NCBP2L: variants seen among roughly 807,000 people sequenced by gnomAD.
NCBP2L encodes nuclear cap-binding protein subunit 2-like.
For synonymous variants in NCBP2L, 39 were observed against 19.2 expected, an observed-to-expected ratio of 2.04 and a Z score of -2.70; for missense variants, 95 against 53.1, an observed-to-expected ratio of 1.79 and a Z score of -2.45.
chrX:107,781,677 T>TCTATCTAC (rs1491524753), intron 1 of NCBP2L, among the ~76,000 whole-genome samples: 1 of 54,066 alleles, frequency 1.8e-5, no homozygotes, highest in Non-Finnish European at 2.9e-5. Context: ...TATCTATCTA[T>TCTATCTAC]CTCTCTCTCT....
chrX:107,782,340 T>TATATATATATAAATATATATATAA (rs1930331618), intron 1 of NCBP2L, among the ~76,000 whole-genome samples: 1 of 38,058 alleles, frequency 2.6e-5, no homozygotes, highest in Non-Finnish European at 3.6e-5. Flanking sequence ...TATATATAAA[T>TATATATATATAAATATATATATAA]ATATATATAT....
At chrX:107,781,391 C>T (rs1375228941) in intron 1 of NCBP2L, among the ~76,000 whole-genome samples, 1 of 107,604 alleles carries the variant, frequency 9.3e-6, no homozygotes, top group East Asian at 2.9e-4. Flanking sequence ...CTGCTACCTC[C>T]GCCTCCCGGG....
chrX:107,782,280 TATATAAATATATATATATAA>T (rs1930321280), intron 1 of NCBP2L, among the ~76,000 whole-genome samples: 11 of 32,780 alleles, frequency 3.4e-4, no homozygotes, highest in African/African-American at 1.5e-3. Flanking sequence ...TATATAAATA[TATATAAATATATATATATAA>T]ATATATATAT....
chrX:107,784,180 T>C (rs1161499288), intron 1 of NCBP2L, among the ~76,000 whole-genome samples: 1 of 111,881 alleles, frequency 8.9e-6, no homozygotes, highest in East Asian at 2.8e-4. Context: ...CAATATGTGG[T>C]AGATGTCATT....
At position 107,782,278 on chromosome X, in the gene NCBP2L, TATATATAAATATATATATATAA is replaced by T. The variant is rs1569457286; in HGVS notation, c.-73+4428_-73+4449del. ...ATATATATAAATATATATATATAAATATATATAAATATATATATATAAATATATATATAAATATATATATATA... is the reference window on the plus strand; with the variant it reads ...ATATATATAAATATATATATATAAATATATATATATAAATATATATATATA... On this transcript the variant is annotated intron_variant, in intron 1 of 1. Coordinates refer to ENST00000509000, the MANE Select transcript of NCBP2L (RefSeq NM_001348372.2). Among the ~76,000 whole-genome samples the T allele has an allele frequency of 1.6e-3, 52 of 31,881 alleles. 3 individuals carry two copies. The highest frequency in any genetic ancestry group is 7.9e-3 in the African/African-American group (27 of 3,416). 27.7% of individuals were successfully genotyped at this position (31,881 alleles called of 115,157 possible). A position where few individuals can be genotyped will look rare whatever the true frequency, so the allele number is the denominator to read the frequency against.
intron 1 of NCBP2L, among the ~76,000 whole-genome samples, chrX:107,793,196 A>G (rs1347112418): frequency 2.7e-5 from 3 of 112,166 alleles, no homozygotes; most frequent in African/African-American, 9.7e-5. Flanking sequence ...TAATCTTTGG[A>G]CCATTTGCAT....
rs143593922 is a variant in NCBP2L, at chrX:107,794,191, C to T, written c.-30C>T. On this transcript the variant is annotated 5_prime_UTR_variant, in exon 2 of 2. It adds an upstream start codon to the 5' untranslated region. Transcript: ENST00000509000. ...CACTGCTGCCAAGCTGGACCGAAAA[C>T]GGCCATCGGCATGCTGCCCAACCAG... 967 of 497,345 alleles carry T rather than the reference C, an allele frequency of 1.9e-3. 7 individuals carry two copies. In the African/African-American group the frequency reaches 0.02, roughly 10 times the overall value. The allele number at this position is 497,345 out of a possible 1,213,427, so 41.0% of individuals were successfully genotyped here.
At chrX:107,782,216 TATATAA>T (rs1351558465) in intron 1 of NCBP2L, among the ~76,000 whole-genome samples, 2 of 23,659 alleles carry the variant, frequency 8.5e-5, no homozygotes, top group African/African-American at 4.2e-4. Flanking sequence ...TATAAATATA[TATATAA>T]ATATATATAT....
chrX:107,787,565 C>T (rs1379116888), intron 1 of NCBP2L, among the ~76,000 whole-genome samples: 2 of 111,902 alleles, frequency 1.8e-5, no homozygotes, highest in Non-Finnish European at 3.8e-5. Context: ...TGTTTAACTA[C>T]TCATTTAAAT....
chrX:107,793,444 A>G (rs1168981889), intron 1 of NCBP2L, among the ~76,000 whole-genome samples: 1 of 111,918 alleles, frequency 8.9e-6, no homozygotes, highest in Non-Finnish European at 1.9e-5. Flanking sequence ...AAAACCGACT[A>G]AATCGTGTTT....
In NCBP2L at chrX:107,794,556, T is replaced by C. The variant is rs748597058; in HGVS notation, c.336T>C (p.Asp112=). 1.8e-6 allele frequency: 1 copy of C among 569,814 alleles called. No homozygotes were observed. The highest frequency in any genetic ancestry group is 2.2e-5 in the South Asian group (1 of 44,977). The allele number at this position is 569,814 out of a possible 1,213,427, so 47.0% of individuals were successfully genotyped here. ...TAGATGAATGGATTATCTGCACTGA[T>C]TGGGATGTCGGTTTTAGAGAGGGTC... ...TCLDEWIICT[D]WDVGFREGQQ... The change falls in exon 2 of 2, where the codon GAT becomes GAC. Residue 112 remains aspartate (D), a synonymous_variant. Transcript: ENST00000509000.
Position 107,794,565 on chromosome X carries a change from C to A in NCBP2L, c.345C>A (p.Val115=), listed in dbSNP as rs5962885. ...DEWIICTDWD[V]GFREGQQYGR... ...GGATTATCTGCACTGATTGGGATGTCGGTTTTAGAGAGGGTCAACAGTATG... is the reference window on the plus strand; with the variant it reads ...GGATTATCTGCACTGATTGGGATGTAGGTTTTAGAGAGGGTCAACAGTATG... The change falls in exon 2 of 2, where the codon GTC becomes GTA. Residue 115 remains valine (V), a synonymous_variant. Transcript: ENST00000509000. 97,096 of 566,772 alleles carry A rather than the reference C, an allele frequency of 0.17. 11,305 individuals carry two copies. Among genetic ancestry groups the A allele is most frequent in the African/African-American group, 0.71 (31,328 of 44,146 alleles). The allele number at this position is 566,772 out of a possible 1,213,427, so 46.7% of individuals were successfully genotyped here.
intron 1 of NCBP2L, among the ~76,000 whole-genome samples, chrX:107,781,829 G>T (rs756453317): frequency 5.0e-4 from 17 of 34,261 alleles, no homozygotes; most frequent in African/African-American, 6.8e-4. Context: ...TCTATATATA[G>T]AGAGATATAT....
chrX:107,783,289 C>T (rs1044276359), intron 1 of NCBP2L, among the ~76,000 whole-genome samples: 7 of 107,229 alleles, frequency 6.5e-5, no homozygotes, highest in African/African-American at 2.1e-4. Flanking sequence ...TTGAGACAAG[C>T]CTGGCCAACA....
intron 1 of NCBP2L, among the ~76,000 whole-genome samples, chrX:107,778,141 T>G (rs1381951932): frequency 8.9e-6 from 1 of 111,830 alleles, no homozygotes; most frequent in Non-Finnish European, 1.9e-5. Context: ...TTTTTTCCTC[T>G]TGTTTATAAT....
At position 107,789,174 on chromosome X, in the gene NCBP2L, C is replaced by CTTTT. The variant is rs760912732; in HGVS notation, c.-72-4955_-72-4952dup. Among the ~76,000 whole-genome samples, 20 of 67,016 alleles carry CTTTT rather than the reference C, an allele frequency of 3.0e-4. 1 individual carries two copies. The highest frequency in any genetic ancestry group is 1.1e-3 in the African/African-American group (17 of 15,931). 58.2% of individuals were successfully genotyped at this position (67,016 alleles called of 115,157 possible). On this transcript the variant is annotated intron_variant, in intron 1 of 1. Coordinates refer to ENST00000509000, the MANE Select transcript of NCBP2L (RefSeq NM_001348372.2). Reference sequence around the variant, plus strand: ...GTTGTGTCCCTACATGTCCTAACCTCTTTTTTTTTTTTTTTTTTTTTTTGG... The same window carrying CTTTT: ...GTTGTGTCCCTACATGTCCTAACCTCTTTTTTTTTTTTTTTTTTTTTTTTTTTGG...
At chrX:107,781,676 A>ATCTATCTATCTCTCTCTCTCTCTCTC (rs1380779020) in intron 1 of NCBP2L, among the ~76,000 whole-genome samples, 1 of 55,919 alleles carries the variant, frequency 1.8e-5, no homozygotes, top group African/African-American at 1.1e-4. Flanking sequence ...CTATCTATCT[A>ATCTATCTATCTCTCTCTCTCTCTCTC]TCTCTCTCTC....
intron 1 of NCBP2L, among the ~76,000 whole-genome samples, 167 bp downstream of exon 1, chrX:107,778,025 T>A (rs779170987): frequency 1.9e-4 from 21 of 110,370 alleles, no homozygotes; most frequent in Middle Eastern, 4.7e-3. Context: ...TTTTTTTTTT[T>A]AAATGTTCTT....
intron 1 of NCBP2L, among the ~76,000 whole-genome samples, chrX:107,786,144 C>A (rs777824469): frequency 9.0e-6 from 1 of 110,890 alleles, no homozygotes; most frequent in Admixed American, 9.7e-5. Context: ...TTTCAGCCAC[C>A]TCTGGAATTC....
Sources: allele counts gnomAD v4.1 joint callset (sites outside exome capture counted in the v4.1 genomes callset), GRCh38; gene constraint gnomAD v4.1.1; transcripts MANE v1.5; gene names NCBI Gene and HGNC (gene_info 2026-07-23, HGNC 2026-07-21).